FAR2: variants seen among roughly 807,000 people sequenced by gnomAD.
FAR2 encodes fatty acyl-CoA reductase 2, also known as epididymis secretory protein Li 81.
FAR2 carries 19 observed loss-of-function variants against 56.0 expected under a neutral mutation model. The ratio of observed to expected loss-of-function variants is 0.34; its 90% CI spans 0.24 to 0.50. FAR2 has a LOEUF of 0.50. Ranked by LOEUF, FAR2 falls within the 20% of genes least tolerant of loss-of-function variation. FAR2 has a pLI of 0.98. For missense variants in FAR2, 508 were observed against 642.2 expected (o/e 0.79, Z 2.26); for synonymous variants, 219 against 218.8 (o/e 1.00, Z -0.01).
In FAR2 at chr12:29,307,640, CTT is replaced by C; in HGVS notation, c.546-16_546-15del. 1 of 1,586,092 alleles carries C rather than the reference CTT, an allele frequency of 6.3e-7. No homozygotes were observed. Among genetic ancestry groups the C allele is most frequent in the Non-Finnish European group, 8.6e-7 (1 of 1,169,130 alleles). Reference sequence around the variant, plus strand: ...GTCTAACATATGTTACTAGAATTCTCTTTACTCTACCTTTTAGGTGGTTAGAC... The same window carrying C: ...GTCTAACATATGTTACTAGAATTCTCTACTCTACCTTTTAGGTGGTTAGAC... On this transcript the variant is annotated splice_polypyrimidine_tract_variant and intron_variant, in intron 4 of 11. Transcript: ENST00000536681.
chr12:29,329,057 T>C (rs886649634), intron 10 of FAR2, among the ~76,000 whole-genome samples: 14 of 152,086 alleles, frequency 9.2e-5, no homozygotes, highest in African/African-American at 2.7e-4. Flanking sequence ...ATAAATATTA[T>C]ATTAGGCACA....
chr12:29,199,058 G>A (rs1236826642), intron 1 of FAR2, among the ~76,000 whole-genome samples: 2 of 152,162 alleles, frequency 1.3e-5, no homozygotes, highest in Admixed American at 1.3e-4. Context: ...AAAGGTAAAG[G>A]ACATCAGCTC....
At chr12:29,269,613 T>C (rs1948579441) in intron 1 of FAR2, among the ~76,000 whole-genome samples, 1 of 152,206 alleles carries the variant, frequency 6.6e-6, no homozygotes, top group Non-Finnish European at 1.5e-5. Context: ...TTACAATTTA[T>C]GTTTAGAGAT....
intron 2 of FAR2, 124 bp from the exon 3 acceptor site, chr12:29,293,176 C>T: frequency 1.3e-6 from 1 of 781,310 alleles, no homozygotes. Flanking sequence ...CAGATGTCTT[C>T]TTTAAGTAAT....
At chr12:29,276,727 T>A (rs1362836560) in intron 2 of FAR2, among the ~76,000 whole-genome samples, 1 of 152,164 alleles carries the variant, frequency 6.6e-6, no homozygotes. Context: ...TTATTGCTTG[T>A]ATTCCCTTTG....
At chr12:29,182,546 T>A (rs6487781) in intron 1 of FAR2, among the ~76,000 whole-genome samples, 105,668 of 151,960 alleles carry the variant, frequency 0.7, 37,451 homozygotes, top group Non-Finnish European at 0.77. Context: ...TGATTGGTGC[T>A]TTTACAATCC....
chr12:29,301,017 G>A (rs1427601533), intron 4 of FAR2, among the ~76,000 whole-genome samples: 1 of 152,066 alleles, frequency 6.6e-6, no homozygotes, highest in East Asian at 1.9e-4. Flanking sequence ...TAAAGTCTCT[G>A]CTCATTCAGC....
chr12:29,302,174 G>A (rs778076574), intron 4 of FAR2: 2 of 145,862 alleles, frequency 1.4e-5, no homozygotes, highest in Admixed American at 7.0e-5. Context: ...AGCTTGAAGT[G>A]AGCCGAGAGA....
intron 1 of FAR2, among the ~76,000 whole-genome samples, chr12:29,178,672 A>G (rs975151227): frequency 1.3e-5 from 2 of 152,216 alleles, no homozygotes; most frequent in African/African-American, 4.8e-5. Context: ...CTAATATGGT[A>G]AGGCCCATGT....
At chr12:29,248,002 A>G (rs565854169) in intron 1 of FAR2, among the ~76,000 whole-genome samples, 60 of 152,326 alleles carry the variant, frequency 3.9e-4, no homozygotes, top group Admixed American at 1.6e-3. Context: ...ATTTGAAAGG[A>G]TATCTCTACA....
At chr12:29,329,137 T>C (rs1949693948) in intron 10 of FAR2, among the ~76,000 whole-genome samples, 1 of 152,224 alleles carries the variant, frequency 6.6e-6, no homozygotes, top group African/African-American at 2.4e-5. Flanking sequence ...GAAATAGTTA[T>C]TCAGAAATGT....
intron 1 of FAR2, among the ~76,000 whole-genome samples, chr12:29,230,955 A>G (rs1591872554): frequency 6.6e-6 from 1 of 152,166 alleles, no homozygotes. Flanking sequence ...ATAGAAGTCA[A>G]TATCTGACCA....
chr12:29,321,112 T>C (rs1269326258), intron 9 of FAR2, among the ~76,000 whole-genome samples: 3 of 151,760 alleles, frequency 2.0e-5, no homozygotes, highest in Admixed American at 6.6e-5. Flanking sequence ...TAATCTCCAC[T>C]ATGATTGACA....
chr12:29,264,871 T>C (rs1230498449), intron 1 of FAR2, among the ~76,000 whole-genome samples: 1 of 149,074 alleles, frequency 6.7e-6, no homozygotes, highest in East Asian at 2.1e-4. Context: ...GTAGTATTTC[T>C]ATATGCCCAC....
intron 1 of FAR2, among the ~76,000 whole-genome samples, chr12:29,269,168 C>A (rs966969474): frequency 6.6e-6 from 1 of 152,130 alleles, no homozygotes; most frequent in African/African-American, 2.4e-5. Context: ...GGGTCTATTT[C>A]ACCCCTAGAG....
chr12:29,327,645 A>C (rs1254945077), intron 10 of FAR2, among the ~76,000 whole-genome samples: 11 of 152,136 alleles, frequency 7.2e-5, no homozygotes, highest in Non-Finnish European at 1.0e-4. Flanking sequence ...CAAAAACAAG[A>C]AATGGGGAAA....
chr12:29,235,198 A>G (rs946933651), intron 1 of FAR2, among the ~76,000 whole-genome samples: 1 of 152,190 alleles, frequency 6.6e-6, no homozygotes, highest in African/African-American at 2.4e-5. Context: ...GAAGGCCTGA[A>G]TGAGTCATTC....
At chr12:29,178,809 G>C (rs7297280) in intron 1 of FAR2, among the ~76,000 whole-genome samples, 99,951 of 152,116 alleles carry the variant, frequency 0.66, 34,607 homozygotes, top group Non-Finnish European at 0.77. Flanking sequence ...TGAATGTTCT[G>C]TCTTAATTTC....
chr12:29,218,147 G>A (rs1947644654), intron 1 of FAR2, among the ~76,000 whole-genome samples: 1 of 152,106 alleles, frequency 6.6e-6, no homozygotes, highest in Non-Finnish European at 1.5e-5. Flanking sequence ...ACAAGGTCAG[G>A]AGATCCAGAC....
Sources: gnomAD v4.1 joint callset for allele counts (sites outside exome capture counted in the v4.1 genomes callset) on GRCh38, gnomAD v4.1.1 for gene constraint, MANE v1.5 for transcripts, NCBI Gene and HGNC (gene_info 2026-07-23, HGNC 2026-07-21) for gene names.